EDIL3: variants seen among roughly 807,000 people sequenced by gnomAD.
EDIL3 encodes EGF like and discoidin domains 3, also known as EGF-like repeat and discoidin I-like domain-containing protein 3.
In EDIL3, 37 loss-of-function variants were observed where a neutral mutation model predicts 67.4. The observed-to-expected ratio is 0.55, with a 90% confidence interval of 0.42 to 0.72. The LOEUF (loss-of-function observed/expected upper bound fraction) is 0.72, where lower values mean the gene tolerates loss of function less well. Ranked by LOEUF, EDIL3 falls within the 30% of genes least tolerant of loss-of-function variation. EDIL3 has a pLI of 0.00. For missense variants in EDIL3, 527 were observed against 586.3 expected (o/e 0.90, Z 1.04); for synonymous variants, 195 against 196.3 (o/e 0.99, Z 0.05).
intron 3 of EDIL3, among the ~76,000 whole-genome samples, chr5:84,210,142 C>T (rs769003166): frequency 8.5e-5 from 13 of 152,166 alleles, no homozygotes; most frequent in Admixed American, 2.6e-4. Context: ...TAAACTTTGG[C>T]TTCCAAATTG....
At chr5:84,019,169 G>A (rs964500336) in intron 9 of EDIL3, among the ~76,000 whole-genome samples, 5 of 152,210 alleles carry the variant, frequency 3.3e-5, no homozygotes, top group African/African-American at 1.2e-4. Flanking sequence ...TGATAGACTG[G>A]ATTAAGAAAA....
At chr5:84,092,909 G>C (rs1472004151) in intron 6 of EDIL3, among the ~76,000 whole-genome samples, 1 of 152,142 alleles carries the variant, frequency 6.6e-6, no homozygotes, top group Non-Finnish European at 1.5e-5. Flanking sequence ...TACTGCCCAA[G>C]CCCATCTAGC....
At chr5:84,255,535 C>T (rs1048149446) in intron 1 of EDIL3, among the ~76,000 whole-genome samples, 2 of 152,096 alleles carry the variant, frequency 1.3e-5, no homozygotes, top group Non-Finnish European at 2.9e-5. Flanking sequence ...GAAACTGCCA[C>T]CTCCTGGACT....
chr5:84,340,507 T>TCC (rs1747082575), intron 1 of EDIL3, among the ~76,000 whole-genome samples: 5 of 54,990 alleles, frequency 9.1e-5, no homozygotes, highest in Admixed American at 2.0e-4. Flanking sequence ...AAGATTACTC[T>TCC]CTCTCTCTCT....
chr5:84,169,597 C>G (rs761405432), intron 4 of EDIL3, among the ~76,000 whole-genome samples: 2 of 150,608 alleles, frequency 1.3e-5, no homozygotes, highest in Non-Finnish European at 2.9e-5. Flanking sequence ...ATTTCTAAAA[C>G]TTTGTCATTT....
intron 6 of EDIL3, among the ~76,000 whole-genome samples, chr5:84,092,862 G>A (rs1399783774): frequency 6.6e-6 from 1 of 152,102 alleles, no homozygotes; most frequent in East Asian, 1.9e-4. Flanking sequence ...GTTTTACAAG[G>A]TTTAACTGGT....
chr5:84,023,779 A>T (rs1438098942), intron 9 of EDIL3, among the ~76,000 whole-genome samples: 3 of 146,942 alleles, frequency 2.0e-5, no homozygotes, highest in Non-Finnish European at 4.7e-5. Context: ...TATACTGTGG[A>T]CCCATTTACT....
intron 1 of EDIL3, among the ~76,000 whole-genome samples, chr5:84,365,451 AG>A (rs1747709519): frequency 6.6e-6 from 1 of 152,174 alleles, no homozygotes; most frequent in African/African-American, 2.4e-5. Context: ...AAACAACCTT[AG>A]ATATTTTAGT....
intron 5 of EDIL3, among the ~76,000 whole-genome samples, chr5:84,117,031 T>TTTTTA (rs1316481029): frequency 7.8e-6 from 1 of 127,878 alleles, no homozygotes; most frequent in Non-Finnish European, 1.6e-5. Context: ...TTTTTTTTTT[T>TTTTTA]TTTTTTTTTT....
chr5:84,041,105 T>C (rs969212830), intron 9 of EDIL3, among the ~76,000 whole-genome samples: 2 of 151,284 alleles, frequency 1.3e-5, no homozygotes, highest in African/African-American at 4.9e-5. Flanking sequence ...CACTCCAGCC[T>C]GGGAGACAGA....
At chr5:84,167,761 T>A (rs928913922) in intron 4 of EDIL3, among the ~76,000 whole-genome samples, 2 of 152,160 alleles carry the variant, frequency 1.3e-5, no homozygotes, top group Non-Finnish European at 2.9e-5. Flanking sequence ...CCTGTTATTA[T>A]CATTACTTAA....
intron 6 of EDIL3, among the ~76,000 whole-genome samples, chr5:84,085,290 C>T (rs1184300364): frequency 6.6e-6 from 1 of 152,154 alleles, no homozygotes; most frequent in Non-Finnish European, 1.5e-5. Context: ...CATTTTTGCG[C>T]TGATTTTTCC....
At chr5:84,203,756 C>A (rs1660907302) in intron 3 of EDIL3, among the ~76,000 whole-genome samples, 2 of 152,126 alleles carry the variant, frequency 1.3e-5, no homozygotes, top group Non-Finnish European at 2.9e-5. Flanking sequence ...TAAGACAATA[C>A]TCTTTACTTT....
intron 6 of EDIL3, among the ~76,000 whole-genome samples, chr5:84,093,173 T>G (rs530840730): frequency 3.3e-5 from 5 of 151,892 alleles, no homozygotes; most frequent in Non-Finnish European, 7.4e-5. Flanking sequence ...TGAAAACAAA[T>G]ACTATCTTTC....
intron 4 of EDIL3, among the ~76,000 whole-genome samples, chr5:84,167,850 C>A (rs1295707505): frequency 6.6e-6 from 1 of 152,114 alleles, no homozygotes; most frequent in Non-Finnish European, 1.5e-5. Context: ...GCTCTTTCAA[C>A]AACCATGCTG....
chr5:84,105,640 AC>A (rs201957006), intron 6 of EDIL3, among the ~76,000 whole-genome samples: 2,291 of 152,126 alleles, frequency 0.015, 25 homozygotes, highest in Middle Eastern at 0.027. Flanking sequence ...TCCCTACTCT[AC>A]TGAAATAAGG....
chr5:83,946,194 A>C (rs1160670132), intron 10 of EDIL3, among the ~76,000 whole-genome samples: 2 of 152,042 alleles, frequency 1.3e-5, no homozygotes, highest in Non-Finnish European at 1.5e-5. Flanking sequence ...GATAGAGAAC[A>C]TTAAATCTCT....
At chr5:84,172,403 G>A (rs772238054) in intron 4 of EDIL3, among the ~76,000 whole-genome samples, 7 of 151,880 alleles carry the variant, frequency 4.6e-5, no homozygotes, top group African/African-American at 1.5e-4. Flanking sequence ...GCAACATGAC[G>A]AAACTCTGAC....
intron 2 of EDIL3, among the ~76,000 whole-genome samples, chr5:84,242,805 A>AAC (rs1471793088): frequency 7.8e-6 from 1 of 127,562 alleles, no homozygotes; most frequent in African/African-American, 3.0e-5. Flanking sequence ...AAAAAAAAAA[A>AAC]AAAAAAACTT....
Sources: gnomAD v4.1 joint callset for allele counts (sites outside exome capture counted in the v4.1 genomes callset) on GRCh38, gnomAD v4.1.1 for gene constraint, MANE v1.5 for transcripts, NCBI Gene and HGNC (gene_info 2026-07-23, HGNC 2026-07-21) for gene names.